The following AGXT2 variants were observed in gnomAD, a reference collection of about 807,000 sequenced individuals.
AGXT2 encodes alanine--glyoxylate aminotransferase 2, mitochondrial.
Under a neutral mutation model 62.5 loss-of-function variants are expected in AGXT2, and 61 were observed. The observed-to-expected ratio is 0.98, with a 90% confidence interval of 0.79 to 1.21. The LOEUF (loss-of-function observed/expected upper bound fraction) is 1.21, where lower values mean the gene tolerates loss of function less well. Among genes scored for constraint, AGXT2 ranks in the 50% most tolerant of loss-of-function variants. AGXT2 has a pLI of 0.00. For missense variants in AGXT2, 666 were observed against 641.5 expected (o/e 1.04, Z -0.41); for synonymous variants, 243 against 218.7 (o/e 1.11, Z -0.98).
At chr5:35,015,263 C>A (rs575118562) in intron 9 of AGXT2, among the ~76,000 whole-genome samples, 8 of 152,290 alleles carry the variant, frequency 5.3e-5, no homozygotes, top group Non-Finnish European at 1.2e-4. Flanking sequence ...GTGTCTTATT[C>A]CATTCTGTAT....
At chr5:35,012,151 G>C (rs182045781) in intron 11 of AGXT2, among the ~76,000 whole-genome samples, 2 of 152,002 alleles carry the variant, frequency 1.3e-5, no homozygotes, top group Non-Finnish European at 2.9e-5. Flanking sequence ...TTGGGTGACA[G>C]TGCACTAAAG....
At chr5:35,031,135 C>T (rs946146728) in intron 7 of AGXT2, among the ~76,000 whole-genome samples, 2 of 152,136 alleles carry the variant, frequency 1.3e-5, no homozygotes, top group Non-Finnish European at 1.5e-5. Flanking sequence ...TTTATCTTGA[C>T]GGCACATCAG....
At chr5:35,008,288 T>A (rs1766508503) in intron 12 of AGXT2, among the ~76,000 whole-genome samples, 1 of 152,206 alleles carries the variant, frequency 6.6e-6, no homozygotes, top group African/African-American at 2.4e-5. Context: ...AACGGTCATC[T>A]GGGAGGGGGA....
intron 7 of AGXT2, among the ~76,000 whole-genome samples, chr5:35,032,144 C>A (rs893485517): frequency 6.0e-5 from 9 of 150,362 alleles, no homozygotes; most frequent in African/African-American, 2.2e-4. Flanking sequence ...ATAGAGACAC[C>A]ATTTCACCAT....
At chr5:35,019,340 C>A (rs1766975834) in intron 9 of AGXT2, among the ~76,000 whole-genome samples, 1 of 149,444 alleles carries the variant, frequency 6.7e-6, no homozygotes, top group African/African-American at 2.5e-5. Context: ...CTCTCCTCAG[C>A]AAATGTAAAA....
At chr5:35,042,426 A>G (rs1303913702) in intron 1 of AGXT2, among the ~76,000 whole-genome samples, 4 of 152,176 alleles carry the variant, frequency 2.6e-5, no homozygotes, top group African/African-American at 9.7e-5. Context: ...AGAAAGAATA[A>G]TAGGAGTCAG....
chr5:35,020,359 A>G (rs1358187629), intron 9 of AGXT2, among the ~76,000 whole-genome samples: 2 of 152,236 alleles, frequency 1.3e-5, no homozygotes, highest in Non-Finnish European at 2.9e-5. Context: ...GCAGCACATC[A>G]AAAAGCTTAT....
intron 2 of AGXT2, among the ~76,000 whole-genome samples, 183 bp downstream of exon 2, chr5:35,040,392 T>C (rs1767938554): frequency 2.6e-5 from 4 of 152,224 alleles, no homozygotes; most frequent in African/African-American, 2.4e-5. Context: ...CACCAATTTA[T>C]ACACTAGCAT....
intron 13 of AGXT2, among the ~76,000 whole-genome samples, chr5:34,999,051 T>C (rs527305104): frequency 5.3e-5 from 8 of 152,302 alleles, no homozygotes; most frequent in African/African-American, 1.9e-4. Flanking sequence ...CTTTTTGTCA[T>C]ACATTTACCT....
intron 9 of AGXT2, among the ~76,000 whole-genome samples, chr5:35,020,963 C>T (rs1270470109): frequency 6.6e-6 from 1 of 152,168 alleles, no homozygotes; most frequent in Non-Finnish European, 1.5e-5. Context: ...TGAGTGAATT[C>T]CCATTCACAA....
At chr5:35,021,128 C>T (rs1398362376) in intron 9 of AGXT2, among the ~76,000 whole-genome samples, 3 of 152,192 alleles carry the variant, frequency 2.0e-5, no homozygotes, top group East Asian at 1.9e-4. Context: ...GAATCAATAT[C>T]GTGAAAATGG....
At chr5:35,014,142 A>C in intron 9 of AGXT2, 23 bp from the exon 10 acceptor site, 1 of 1,613,882 alleles carries the variant, frequency 6.2e-7, no homozygotes, top group Non-Finnish European at 8.5e-7. Context: ...GTTCAAAACC[A>C]TTGGAAACCC....
chr5:35,032,667 C>A, intron 7 of AGXT2, 65 bp downstream of exon 7: 1 of 1,370,582 alleles, frequency 7.3e-7, no homozygotes, highest in South Asian at 1.2e-5. Flanking sequence ...AGGGATGGGT[C>A]TGCCTTTATT....
chr5:35,004,055 A>T (rs1174339398), intron 12 of AGXT2, among the ~76,000 whole-genome samples, 194 bp from the exon 13 acceptor site: 1 of 151,768 alleles, frequency 6.6e-6, no homozygotes, highest in Non-Finnish European at 1.5e-5. Context: ...TTTTTGGAGG[A>T]TGTTATTTAA....
intron 12 of AGXT2, among the ~76,000 whole-genome samples, chr5:35,008,206 C>T (rs895087499): frequency 7.9e-5 from 12 of 152,166 alleles, no homozygotes; most frequent in Admixed American, 5.2e-4. Context: ...ATGGCTTGCA[C>T]ATATTTCCAT....
At chr5:35,007,054 G>A (rs1766451869) in intron 12 of AGXT2, among the ~76,000 whole-genome samples, 1 of 152,198 alleles carries the variant, frequency 6.6e-6, no homozygotes, top group African/African-American at 2.4e-5. Context: ...TACCCAAGGG[G>A]ATGGCATAAT....
chr5:35,037,819 T>C (rs1767840115), intron 3 of AGXT2, among the ~76,000 whole-genome samples: 1 of 152,204 alleles, frequency 6.6e-6, no homozygotes, highest in Admixed American at 6.5e-5. Context: ...CTTTGAAAGA[T>C]TGGGCCAACC....
intron 9 of AGXT2, among the ~76,000 whole-genome samples, chr5:35,014,516 C>T (rs976129587): frequency 2.0e-5 from 3 of 150,278 alleles, no homozygotes; most frequent in East Asian, 1.9e-4. Flanking sequence ...TCTTCTTTCT[C>T]CTCATCCTCA....
chr5:35,043,762 C>T (rs115841563), intron 1 of AGXT2, among the ~76,000 whole-genome samples: 103 of 152,268 alleles, frequency 6.8e-4, no homozygotes, highest in African/African-American at 2.4e-3. Flanking sequence ...GGAATCTCTG[C>T]TCATTGCAAC....
Sources: allele counts gnomAD v4.1 joint callset (sites outside exome capture counted in the v4.1 genomes callset), GRCh38; gene constraint gnomAD v4.1.1; transcripts MANE v1.5; gene names NCBI Gene and HGNC (gene_info 2026-07-23, HGNC 2026-07-21).